Variants in BCAS3 observed in about 807,000 individuals in gnomAD.
BCAS3 encodes the protein BCAS3 microtubule associated cell migration factor, also known as BCAS4/BCAS3 fusion.
In BCAS3, 53 loss-of-function variants were observed where a neutral mutation model predicts 116.1. The ratio of observed to expected loss-of-function variants is 0.46; its 90% CI spans 0.37 to 0.57. The LOEUF (loss-of-function observed/expected upper bound fraction) is 0.57. Ranked by LOEUF, BCAS3 falls within the 20% of genes least tolerant of loss-of-function variation. The pLI is 0.00. For synonymous variants in BCAS3, 391 were observed against 408.2 expected (o/e 0.96, Z 0.51); for missense variants, 917 against 1,165.4 (o/e 0.79, Z 3.10).
At chr17:60,845,473 G>A (rs2052429091) in intron 7 of BCAS3, among the ~76,000 whole-genome samples, 1 of 152,316 alleles carries the variant, frequency 6.6e-6, no homozygotes, top group East Asian at 1.9e-4. Context: ...AATTCCCATT[G>A]CTTATGATCC....
At chr17:60,997,390 C>T (rs573110429) in intron 15 of BCAS3, among the ~76,000 whole-genome samples, 5 of 152,210 alleles carry the variant, frequency 3.3e-5, no homozygotes, top group African/African-American at 4.8e-5. Context: ...AAGACAGTGT[C>T]GACAAGTCTT....
chr17:61,136,217 G>A lies in BCAS3; in HGVS notation c.2425+51653G>A, dbSNP rs1439532934. ...TTTCTTTCCATCCTGAGTACCCATG[G>A]CAAGCTCCTATCTTCCAATATTTTT... On this transcript the variant is annotated intron_variant, in intron 22 of 23. Coordinates refer to ENST00000407086, the MANE Select transcript of BCAS3 (RefSeq NM_017679.5). The surrounding 1 kb of genome is among the most constrained non-coding windows in gnomAD (Gnocchi z 4.4). 1.3e-5 allele frequency among the ~76,000 whole-genome samples: 2 copies of A among 152,054 alleles called. No homozygotes were observed. The highest frequency in any genetic ancestry group is 4.8e-5 in the African/African-American group (2 of 41,386).
rs143937879 is a variant in BCAS3, at chr17:61,366,443, G to A, written c.2426-1884G>A. 3.9e-4 allele frequency among the ~76,000 whole-genome samples: 60 copies of A among 152,358 alleles called. No individual in the cohort carries two copies. The highest frequency in any genetic ancestry group is 1.3e-3 in the African/African-American group (56 of 41,582). ...CGGCAGCAGAATCAGAAGCTTAGTG[G>A]ATGTCAGCAGTCCTGTGTGTCCCTG... On this transcript the variant is annotated intron_variant, in intron 22 of 23. Coordinates refer to ENST00000407086, the MANE Select transcript of BCAS3 (RefSeq NM_017679.5). This position sits in a 1 kb window ranked among gnomAD's most constrained non-coding sequence, Gnocchi z 4.5.
chr17:60,790,270 CT>C (rs1472797879), intron 6 of BCAS3, among the ~76,000 whole-genome samples: 2 of 152,106 alleles, frequency 1.3e-5, no homozygotes, highest in Non-Finnish European at 2.9e-5. Context: ...TCACAACATT[CT>C]TGCCAGTATT....
chr17:60,782,744 C>T (rs1048132671), intron 6 of BCAS3, among the ~76,000 whole-genome samples: 1 of 151,794 alleles, frequency 6.6e-6, no homozygotes, highest in Non-Finnish European at 1.5e-5. Context: ...CACCACCGCA[C>T]ACAGCTAATT....
At chr17:60,921,057 A>T (rs2059055950) in intron 12 of BCAS3, among the ~76,000 whole-genome samples, 1 of 152,182 alleles carries the variant, frequency 6.6e-6, no homozygotes. Flanking sequence ...CAGCAATCCC[A>T]CTAATGGGTA....
At chr17:60,992,189 T>TACACACACACACAC (rs576760115) in intron 15 of BCAS3, among the ~76,000 whole-genome samples, 54 of 130,718 alleles carry the variant, frequency 4.1e-4, no homozygotes, top group Admixed American at 1.5e-3. Flanking sequence ...TCCGATGACT[T>TACACACACACACAC]ACACACACAC....
chr17:60,990,782 G>A lies in BCAS3; in HGVS notation c.1486+547G>A, dbSNP rs1048732488. 3.9e-5 allele frequency among the ~76,000 whole-genome samples: 6 copies of A among 152,100 alleles called. No individual in the cohort carries two copies. Among genetic ancestry groups the A allele is most frequent in the Admixed American group, 2.6e-4 (4 of 15,274 alleles). On this transcript the variant is annotated intron_variant, in intron 15 of 23. Coordinates refer to ENST00000407086, the MANE Select transcript of BCAS3 (RefSeq NM_017679.5). The surrounding 1 kb of genome is among the most constrained non-coding windows in gnomAD (Gnocchi z 5.1). ...CTGCCTCAGCCTCCCGAGCAGCTGG[G>A]ATTACAGGCATCCGCCACCACGCCT...
At chr17:61,331,687 A>T (rs532757647) in intron 22 of BCAS3, among the ~76,000 whole-genome samples, 4 of 152,324 alleles carry the variant, frequency 2.6e-5, no homozygotes, top group Admixed American at 2.6e-4. Context: ...AAAAGGTTCA[A>T]ATAATATAAT....
intron 6 of BCAS3, among the ~76,000 whole-genome samples, chr17:60,752,205 T>A (rs1186165704): frequency 1.3e-5 from 2 of 151,906 alleles, no homozygotes; most frequent in Non-Finnish European, 2.9e-5. Context: ...ATATTTTTCA[T>A]AACGATTTAT....
intron 23 of BCAS3, among the ~76,000 whole-genome samples, chr17:61,371,661 A>G (rs1305350159): frequency 6.6e-6 from 1 of 152,238 alleles, no homozygotes; most frequent in Admixed American, 6.5e-5. Flanking sequence ...TACATATTTC[A>G]AAACACCATG....
At chr17:60,950,662 T>G (rs2060782598) in intron 14 of BCAS3, among the ~76,000 whole-genome samples, 1 of 152,246 alleles carries the variant, frequency 6.6e-6, no homozygotes, top group Admixed American at 6.5e-5. Flanking sequence ...TATTTACAGG[T>G]GAACAGAGAT....
chr17:61,151,993 T>C lies in BCAS3; in HGVS notation c.2425+67429T>C, dbSNP rs1024554283. ...GTGCCCAGGGAAAGTGGTTTTATGATAGGAAGGACAGTGGCTTATAGTAGT... is the reference window on the plus strand; with the variant it reads ...GTGCCCAGGGAAAGTGGTTTTATGACAGGAAGGACAGTGGCTTATAGTAGT... On this transcript the variant is annotated intron_variant, in intron 22 of 23. Coordinates refer to ENST00000407086, the MANE Select transcript of BCAS3 (RefSeq NM_017679.5). This position sits in a 1 kb window ranked among gnomAD's most constrained non-coding sequence, Gnocchi z 4.8. Among the ~76,000 whole-genome samples the C allele has an allele frequency of 2.6e-5, 4 of 152,138 alleles. No homozygotes were observed. Among genetic ancestry groups the C allele is most frequent in the African/African-American group, 9.7e-5 (4 of 41,422 alleles).
chr17:60,785,821 C>T (rs545599955), intron 6 of BCAS3, among the ~76,000 whole-genome samples: 25 of 152,286 alleles, frequency 1.6e-4, no homozygotes, highest in Non-Finnish European at 2.8e-4. Context: ...GTGGATTCAA[C>T]CAACTATGGA....
chr17:61,212,561 AACTATATTGT>A (rs2081526849), intron 22 of BCAS3, among the ~76,000 whole-genome samples: 1 of 150,350 alleles, frequency 6.7e-6, no homozygotes, highest in South Asian at 2.1e-4. Context: ...TATATATAAA[AACTATATTGT>A]ATATTTGCAA....
rs933232623 is a variant in BCAS3 at position 61,387,259 on chromosome 17, C to T, written c.2594-4718C>T. ...TGGAGGTGCATGGGCCCATGCTGCA[C>T]GGCCCAGCTCAGGAGTAGGACAAGG... On this transcript the variant is annotated intron_variant, in intron 23 of 23. Transcript: ENST00000407086. This position sits in a 1 kb window ranked among gnomAD's most constrained non-coding sequence, Gnocchi z 6.2. Among the ~76,000 whole-genome samples, 4 of 152,202 alleles carry T rather than the reference C, an allele frequency of 2.6e-5. No homozygotes were observed. Among genetic ancestry groups the T allele is most frequent in the African/African-American group, 9.7e-5 (4 of 41,446 alleles).
intron 4 of BCAS3, among the ~76,000 whole-genome samples, chr17:60,690,461 T>C (rs1048734750): frequency 1.3e-5 from 2 of 152,086 alleles, no homozygotes; most frequent in Non-Finnish European, 2.9e-5. Context: ...TTTCAGCTAC[T>C]TGGGAGGCTG....
chr17:60,811,263 C>T, intron 7 of BCAS3: 1 of 908,022 alleles, frequency 1.1e-6, no homozygotes. Flanking sequence ...GAGTAGGAGG[C>T]CCTGCTGAAC....
At chr17:60,780,221 C>T (rs2045691180) in intron 6 of BCAS3, among the ~76,000 whole-genome samples, 1 of 151,486 alleles carries the variant, frequency 6.6e-6, no homozygotes, top group African/African-American at 2.4e-5. Flanking sequence ...AACTCCTGAC[C>T]TTGTGATCTG....
Sources: gnomAD v4.1 joint callset for allele counts (sites outside exome capture counted in the v4.1 genomes callset) on GRCh38, gnomAD v4.1.1 for gene constraint, Gnocchi (gnomAD v3.1) non-coding constraint, MANE v1.5 for transcripts, NCBI Gene and HGNC (gene_info 2026-07-23, HGNC 2026-07-21) for gene names.